Variants in ANXA5 observed in about 807,000 individuals in gnomAD.
The protein encoded by ANXA5 is CBP-I.
Under a neutral mutation model 48.1 loss-of-function variants are expected in ANXA5, and 40 were observed. The observed-to-expected ratio is 0.83, with a 90% CI of 0.65 to 1.08. ANXA5 has a LOEUF of 1.08. Ranked by LOEUF, ANXA5 falls within the 50% of genes least tolerant of loss-of-function variation. The pLI, the probability that ANXA5 is intolerant of heterozygous loss-of-function variation, is 0.00. For synonymous variants in ANXA5, 113 were observed against 129.1 expected, an observed-to-expected ratio of 0.88 and a Z score of 0.85; for missense variants, 357 against 376.8, an observed-to-expected ratio of 0.95 and a Z score of 0.44.
intron 6 of ANXA5, 51 bp downstream of exon 6, chr4:121,681,620 G>T: frequency 8.0e-7 from 1 of 1,254,856 alleles, no homozygotes; most frequent in Non-Finnish European, 1.2e-6. Context: ...TCACAGAAAT[G>T]AAGGAAGTGA....
At chr4:121,670,137 C>T (rs990625809) in intron 10 of ANXA5, 125 bp from the exon 11 acceptor site, 3 of 651,806 alleles carry the variant, frequency 4.6e-6, no homozygotes, top group Admixed American at 6.5e-5. Flanking sequence ...GTACCAGAGG[C>T]TAAAGAGCTG....
chr4:121,676,874 G>A (rs1037915518), intron 8 of ANXA5, among the ~76,000 whole-genome samples: 9 of 152,058 alleles, frequency 5.9e-5, no homozygotes, highest in Non-Finnish European at 7.4e-5. Context: ...TCAGGAACCC[G>A]GACTTTATCC....
chr4:121,685,205 G>A (rs1487371729), intron 3 of ANXA5, among the ~76,000 whole-genome samples: 2 of 151,958 alleles, frequency 1.3e-5, no homozygotes, highest in African/African-American at 4.8e-5. Flanking sequence ...CTATTGTGAA[G>A]TAGATGGAAA....
chr4:121,669,756 A>G, intron 11 of ANXA5, 32 bp from the exon 12 acceptor site: 1 of 1,582,182 alleles, frequency 6.3e-7, no homozygotes. Flanking sequence ...GAGAAGCAAA[A>G]TGCTTAAAAA....
In ANXA5 at chr4:121,673,059, T is replaced by C. The variant is rs532697119; in HGVS notation, c.532-433A>G. On this transcript the variant is annotated intron_variant, in intron 8 of 12. Coordinates refer to ENST00000296511, the MANE Select transcript of ANXA5 (RefSeq NM_001154.4). ...TGTTCTATAGCTGTTCAATAGCACA[T>C]GAGTAAAAGTACACTTCATATTTTC... 1.3e-4 allele frequency among the ~76,000 whole-genome samples: 20 copies of C among 152,342 alleles called. No homozygotes were observed. In the South Asian group the frequency reaches 1.4e-3, roughly 11 times the overall value.
Position 121,677,936 on chromosome 4 carries a change from AG to A in ANXA5, c.488del (p.Pro163LeufsTer44), listed in dbSNP as rs999406133. 1.9e-6 allele frequency: 3 copies of A among 1,613,652 alleles called. No individual in the cohort carries two copies. The African/African-American group carries it at 4.0e-5, about 22-fold the overall frequency. On this transcript the variant is annotated frameshift_variant, in exon 8 of 13. Transcript: ENST00000296511. LOFTEE classifies it high-confidence loss of function. ...CTTGAGCTTCATCAATTCCAGCATC[AG>A]GGTCTCTGTTAGCCTATGAGAGGTA... Reference protein sequence around the residue: ...LVVLLQANRDPDAGIDEAQVE... With the variant: ...LVVLLQANRDXDAGIDEAQVE...
intron 8 of ANXA5, among the ~76,000 whole-genome samples, chr4:121,675,853 A>T (rs918658661): frequency 2.0e-5 from 3 of 152,260 alleles, no homozygotes; most frequent in African/African-American, 7.2e-5. Context: ...AAGTTTGAGC[A>T]GCAGTGCTAT....
Position 121,684,714 on chromosome 4 carries a change from T to C in ANXA5, c.152A>G (p.Gln51Arg). 1 of 1,614,102 alleles carries C rather than the reference T, an allele frequency of 6.2e-7. No individual in the cohort carries two copies. Among genetic ancestry groups the C allele is most frequent in the Non-Finnish European group, 8.5e-7 (1 of 1,179,952 alleles). ...AGTCTTAAAAGCTGCAGAGATTTCCTGGCGCTGAGCATTACTTCGGGATGT... is the reference window on the plus strand; with the variant it reads ...AGTCTTAAAAGCTGCAGAGATTTCCCGGCGCTGAGCATTACTTCGGGATGT... The part of the protein sequence containing the change: ...LLTSRSNAQR[Q>R]EISAAFKTLF... Residue 51 changes from glutamine to arginine, a missense_variant, in exon 4 of 13, where the codon CAG becomes CGG. Coordinates refer to ENST00000296511, the MANE Select transcript of ANXA5 (RefSeq NM_001154.4).
chr4:121,694,108 G>GT (rs1725034276), intron 2 of ANXA5, among the ~76,000 whole-genome samples: 2 of 45,586 alleles, frequency 4.4e-5, no homozygotes, highest in South Asian at 5.1e-4. Flanking sequence ...TGGGCGGGGG[G>GT]GAGGGGGGAG....
At chr4:121,669,390 A>C in intron 12 of ANXA5, 1 of 562,566 alleles carries the variant, frequency 1.8e-6, no homozygotes. Context: ...GTTCACCAAG[A>C]GCCTCAGCCA....
rs1724815182 is a variant in ANXA5 at position 121,682,845 on chromosome 4, T to C, written c.303+519A>G. On this transcript the variant is annotated intron_variant, in intron 5 of 12. Coordinates refer to ENST00000296511, the MANE Select transcript of ANXA5 (RefSeq NM_001154.4). ...ACATTCCAAACACCAGTCAAGGGAA[T>C]ACATATTTAATTTTTGCTGCAACTG... 3.3e-5 allele frequency among the ~76,000 whole-genome samples: 5 copies of C among 152,164 alleles called. 1 individual carries two copies. Among genetic ancestry groups the C allele is most frequent in the Admixed American group, 2.0e-4 (3 of 15,274 alleles).
intron 12 of ANXA5, chr4:121,669,326 C>G (rs1724573601): frequency 6.3e-6 from 2 of 318,736 alleles, no homozygotes; most frequent in South Asian, 1.4e-4. Flanking sequence ...TTATCATAGG[C>G]AAGGGGTTTG....
At chr4:121,685,326 A>G (rs1724867199) in intron 3 of ANXA5, among the ~76,000 whole-genome samples, 1 of 152,106 alleles carries the variant, frequency 6.6e-6, no homozygotes, top group African/African-American at 2.4e-5. Flanking sequence ...CTAGGTGTTA[A>G]ATGGGGCTCA....
intron 8 of ANXA5, among the ~76,000 whole-genome samples, chr4:121,675,312 G>A (rs1186431382): frequency 2.0e-5 from 3 of 152,154 alleles, no homozygotes; most frequent in South Asian, 2.1e-4. Flanking sequence ...CCAGGTATCA[G>A]TAGAGACAAA....
At chr4:121,691,760 A>T (rs1409656234) in intron 2 of ANXA5, among the ~76,000 whole-genome samples, 1 of 152,228 alleles carries the variant, frequency 6.6e-6, no homozygotes, top group Non-Finnish European at 1.5e-5. Context: ...TACCTTATGT[A>T]CGTATTAGAG....
intron 8 of ANXA5, among the ~76,000 whole-genome samples, chr4:121,677,010 T>C (rs1724711277): frequency 6.6e-6 from 1 of 152,118 alleles, no homozygotes; most frequent in African/African-American, 2.4e-5. Flanking sequence ...GTTCTTTTTT[T>C]CTCTCCAGCT....
intron 2 of ANXA5, 60 bp from the exon 3 acceptor site, chr4:121,686,432 C>A: frequency 7.8e-7 from 1 of 1,285,344 alleles, no homozygotes; most frequent in Non-Finnish European, 1.1e-6. Context: ...AAGTAAATAA[C>A]ACAAACAGGA....
chr4:121,684,544 AAAAGAAACAGAAG>A, intron 4 of ANXA5, 120 bp downstream of exon 4: 1 of 717,172 alleles, frequency 1.4e-6, no homozygotes, highest in Non-Finnish European at 2.3e-6. Flanking sequence ...AGGAGAGTGG[AAAAGAAACAGAAG>A]TAGGGAAGTC....
In ANXA5 at chr4:121,686,406, C is replaced by A. The variant is rs1724891393; in HGVS notation, c.10-34G>T. The A allele has an allele frequency of 3.4e-6, 5 of 1,454,522 alleles. No homozygotes were observed. In the South Asian group the frequency reaches 3.5e-5, roughly 10 times the overall value. The allele number at this position is 1,454,522 out of a possible 1,614,324, so 90.1% of individuals were successfully genotyped here. A position where few individuals can be genotyped will look rare whatever the true frequency, so the allele number is the denominator to read the frequency against. ...CGAAACACAGTGGTATTATTCATAT[C>A]ATGACTAATATGACAAAGTAAATAA... On this transcript the variant is annotated intron_variant, in intron 2 of 12. Coordinates refer to ENST00000296511, the MANE Select transcript of ANXA5 (RefSeq NM_001154.4).
Sources: gnomAD v4.1 joint callset for allele counts (sites outside exome capture counted in the v4.1 genomes callset) on GRCh38, gnomAD v4.1.1 for gene constraint, MANE v1.5 for transcripts, NCBI Gene and HGNC (gene_info 2026-07-23, HGNC 2026-07-21) for gene names.